Variants in WDPCP observed in about 807,000 individuals in gnomAD.
WDPCP encodes the protein WD repeat containing planar cell polarity effector.
Under a neutral mutation model 93.1 loss-of-function variants are expected in WDPCP, and 71 were observed. That is an observed-to-expected ratio of 0.76 (90% CI 0.63 to 0.93). WDPCP has a LOEUF of 0.93. Ranked by LOEUF, WDPCP falls within the 40% of genes least tolerant of loss-of-function variation. WDPCP has a pLI of 0.00. For missense variants in WDPCP, 844 were observed against 887.4 expected, an observed-to-expected ratio of 0.95 and a Z score of 0.62; for synonymous variants, 315 against 315.0, an observed-to-expected ratio of 1.00 and a Z score of 0.00.
chr2:63,649,143 C>G (rs1710082844), intron 3 of WDPCP, among the ~76,000 whole-genome samples: 1 of 152,158 alleles, frequency 6.6e-6, no homozygotes, highest in Non-Finnish European at 1.5e-5. Flanking sequence ...TCCCATCACC[C>G]CAGAAAGAAA....
intron 14 of WDPCP, among the ~76,000 whole-genome samples, chr2:63,224,820 G>C (rs1000387307): frequency 4.6e-5 from 7 of 151,900 alleles, no homozygotes; most frequent in African/African-American, 1.7e-4. Flanking sequence ...ATATGTCATT[G>C]TACATATATT....
intron 1 of WDPCP, among the ~76,000 whole-genome samples, chr2:63,818,865 T>C (rs1670976478): frequency 6.6e-6 from 1 of 152,174 alleles, no homozygotes; most frequent in African/African-American, 2.4e-5. Context: ...AAGGCATATA[T>C]GAGCTTCTGG....
At chr2:63,343,133 TG>T (rs1688960520) in intron 12 of WDPCP, among the ~76,000 whole-genome samples, 1 of 152,156 alleles carries the variant, frequency 6.6e-6, no homozygotes, top group Non-Finnish European at 1.5e-5. Flanking sequence ...TCCGAGTAGC[TG>T]GGATTACGGG....
chr2:63,541,510 G>T (rs998125735), intron 1 of WDPCP, among the ~76,000 whole-genome samples: 5 of 151,870 alleles, frequency 3.3e-5, no homozygotes, highest in African/African-American at 9.7e-5. Flanking sequence ...ATCCTTTCTT[G>T]TTTTTTCAAA....
intron 13 of WDPCP, among the ~76,000 whole-genome samples, chr2:63,304,535 G>C (rs150748776): frequency 1.3e-5 from 2 of 152,270 alleles, no homozygotes; most frequent in African/African-American, 4.8e-5. Flanking sequence ...TGCTGTGAGG[G>C]ACTGTACCGT....
intron 6 of WDPCP, among the ~76,000 whole-genome samples, chr2:63,445,296 G>T (rs1697776524): frequency 6.6e-6 from 1 of 152,080 alleles, no homozygotes; most frequent in Admixed American, 6.6e-5. Context: ...GTATTTTTCT[G>T]GATAGAGAAG....
intron 2 of WDPCP, among the ~76,000 whole-genome samples, chr2:63,755,737 G>GT (rs1277569511): frequency 6.6e-6 from 1 of 152,132 alleles, no homozygotes; most frequent in Non-Finnish European, 1.5e-5. Context: ...TTCAATTTAA[G>GT]TAACTGACTT....
At chr2:63,827,400 T>C (rs1671129941) in intron 1 of WDPCP, among the ~76,000 whole-genome samples, 1 of 152,144 alleles carries the variant, frequency 6.6e-6, no homozygotes, top group African/African-American at 2.4e-5. Context: ...AGTGCACAGG[T>C]TTTATGGTCT....
intron 1 of WDPCP, among the ~76,000 whole-genome samples, chr2:63,525,121 T>G (rs1462334978): frequency 1.3e-5 from 2 of 152,162 alleles, no homozygotes; most frequent in African/African-American, 4.8e-5. Flanking sequence ...TGGAGGTCAT[T>G]ATCGTAAACA....
At chr2:63,190,432 C>CAAA (rs57419276) in intron 14 of WDPCP, among the ~76,000 whole-genome samples, 2 of 92,278 alleles carry the variant, frequency 2.2e-5, no homozygotes, top group South Asian at 3.5e-4. Flanking sequence ...GACCTTGTCT[C>CAAA]AAAAAAAAAA....
At position 63,196,808 on chromosome 2, in the gene WDPCP, C is replaced by A. The variant is rs142575135; in HGVS notation, c.1916-21976G>T. Among the ~76,000 whole-genome samples the A allele has an allele frequency of 1.8e-4, 28 of 152,236 alleles. No individual in the cohort carries two copies. The East Asian group carries it at 5.2e-3, about 28-fold the overall frequency. On this transcript the variant is annotated intron_variant, in intron 14 of 17. Coordinates refer to ENST00000272321, the MANE Select transcript of WDPCP (RefSeq NM_015910.7). Reference sequence around the variant, plus strand: ...TTTATTAGTAAGGAAGACATGAGTGCCTCCGACTATGAGTAGTCAGACCAT... The same window carrying A: ...TTTATTAGTAAGGAAGACATGAGTGACTCCGACTATGAGTAGTCAGACCAT...
chr2:63,716,122 C>A (rs1000127171), intron 2 of WDPCP, among the ~76,000 whole-genome samples: 1 of 152,182 alleles, frequency 6.6e-6, no homozygotes, highest in South Asian at 2.1e-4. Context: ...GGTTAGTAAG[C>A]GTTTCTCTGA....
intron 2 of WDPCP, among the ~76,000 whole-genome samples, chr2:63,693,452 T>TAGAC (rs1361748238): frequency 1.4e-5 from 2 of 146,338 alleles, no homozygotes; most frequent in East Asian, 2.0e-4. Flanking sequence ...GATAGATAGA[T>TAGAC]AGATAGATAG....
chr2:63,601,120 C>T (rs1348089153), intron 3 of WDPCP, among the ~76,000 whole-genome samples: 1 of 152,210 alleles, frequency 6.6e-6, no homozygotes, highest in Admixed American at 6.5e-5. Context: ...CACTTGGGGA[C>T]ATGTTCTTTG....
intron 12 of WDPCP, among the ~76,000 whole-genome samples, chr2:63,338,805 G>C (rs1161247890): frequency 1.3e-5 from 2 of 151,436 alleles, no homozygotes; most frequent in African/African-American, 2.4e-5. Context: ...TTTGAAGTCA[G>C]GTAGTGTAAT....
rs139485741 is a variant in WDPCP, at chr2:63,256,919, T to C, written c.1915+2388A>G. Among the ~76,000 whole-genome samples, 5 of 152,304 alleles carry C rather than the reference T, an allele frequency of 3.3e-5. No homozygotes were observed. The East Asian group carries it at 9.6e-4, about 29-fold the overall frequency. On this transcript the variant is annotated intron_variant, in intron 14 of 17. Coordinates refer to ENST00000272321, the MANE Select transcript of WDPCP (RefSeq NM_015910.7). ...AATCTGGACAGCTGGGCTGAGATTA[T>C]AGCATCTTGAAGTGGGTATAGGAAG... is the stretch of plus-strand genomic sequence containing the variant.
intron 10 of WDPCP, among the ~76,000 whole-genome samples, chr2:63,394,903 G>T (rs1693586039): frequency 6.6e-6 from 1 of 152,114 alleles, no homozygotes; most frequent in Non-Finnish European, 1.5e-5. Context: ...AAGGGTGGGA[G>T]GATGGTAAGG....
chr2:63,297,047 T>A (rs1239901303), intron 13 of WDPCP, among the ~76,000 whole-genome samples: 2 of 152,166 alleles, frequency 1.3e-5, no homozygotes, highest in East Asian at 1.9e-4. Flanking sequence ...TTGTTCTGGA[T>A]GCCTACTGAC....
chr2:63,428,449 G>A (rs905156726), intron 9 of WDPCP, among the ~76,000 whole-genome samples: 1 of 152,146 alleles, frequency 6.6e-6, no homozygotes, highest in Non-Finnish European at 1.5e-5. Context: ...ATCGATAAAT[G>A]TGATTTGTCA....
Sources: gnomAD v4.1 joint callset for allele counts (sites outside exome capture counted in the v4.1 genomes callset) on GRCh38, gnomAD v4.1.1 for gene constraint, MANE v1.5 for transcripts, NCBI Gene and HGNC (gene_info 2026-07-23, HGNC 2026-07-21) for gene names.